The following DYRK4 variants were observed in gnomAD, a reference collection of about 807,000 sequenced individuals.
The protein encoded by DYRK4 is dual specificity tyrosine phosphorylation regulated kinase 4, also known as dual specificity tyrosine-phosphorylation-regulated kinase 4.
Under a neutral mutation model 68.3 loss-of-function variants are expected in DYRK4, and 64 were observed. That is an observed-to-expected ratio of 0.94 (90% CI 0.77 to 1.15). The LOEUF (loss-of-function observed/expected upper bound fraction) is 1.15. Among genes scored for constraint, DYRK4 ranks in the 50% most tolerant of loss-of-function variants. The pLI, the probability that DYRK4 is intolerant of heterozygous loss-of-function variation, is 0.00. For missense variants in DYRK4, 740 were observed against 764.7 expected (o/e 0.97, Z 0.38); for synonymous variants, 274 against 289.9 (o/e 0.95, Z 0.56).
chr12:4,573,216 C>A, intron 2 of DYRK4: 1 of 857,898 alleles, frequency 1.2e-6, no homozygotes, highest in Non-Finnish European at 1.6e-6. Flanking sequence ...AGCAGCCAAT[C>A]TAGAATCAGT....
chr12:4,600,301 G>T (rs12580572), intron 10 of DYRK4, among the ~76,000 whole-genome samples: 4 of 151,888 alleles, frequency 2.6e-5, no homozygotes, highest in South Asian at 2.1e-4. Context: ...TATCAGGTTC[G>T]CTATAGAGAA....
chr12:4,563,106 C>A, intron 1 of DYRK4: 2 of 456,080 alleles, frequency 4.4e-6, no homozygotes, highest in Non-Finnish European at 8.8e-6. Context: ...TGGAAAAGTT[C>A]AAACCGTGGA....
At chr12:4,568,072 G>A (rs1944694252) in intron 2 of DYRK4, 24 bp downstream of exon 2, 5 of 1,529,558 alleles carry the variant, frequency 3.3e-6, no homozygotes, top group Non-Finnish European at 4.4e-6. Context: ...AATTTTCACT[G>A]GGGAAGAGAG....
At chr12:4,575,468 C>T (rs2137331704) in intron 2 of DYRK4, among the ~76,000 whole-genome samples, 1 of 152,122 alleles carries the variant, frequency 6.6e-6, no homozygotes, top group South Asian at 2.1e-4. Context: ...GCCGCCACTA[C>T]CAGCTAATTT....
At chr12:4,603,345 AC>A in intron 10 of DYRK4, 1 of 542,144 alleles carries the variant, frequency 1.8e-6, no homozygotes. Context: ...TCATTAGTTA[AC>A]CCCTCCAGGT....
At chr12:4,605,452 C>T (rs189225028) in intron 11 of DYRK4, among the ~76,000 whole-genome samples, 65 of 152,198 alleles carry the variant, frequency 4.3e-4, no homozygotes, top group Non-Finnish European at 7.9e-4. Context: ...AGAGTTGTGC[C>T]ATGATTTTAC....
intron 2 of DYRK4, among the ~76,000 whole-genome samples, chr12:4,581,392 G>A (rs1184501016): frequency 6.6e-6 from 1 of 152,178 alleles, no homozygotes; most frequent in Non-Finnish European, 1.5e-5. Context: ...ACCATCTCTT[G>A]TTTCCTTTGA....
At chr12:4,604,461 A>G (rs777991828) in intron 10 of DYRK4, among the ~76,000 whole-genome samples, 14 of 152,170 alleles carry the variant, frequency 9.2e-5, no homozygotes, top group Non-Finnish European at 1.9e-4. Context: ...TTTCTATACA[A>G]TAAGTGCACA....
Position 4,591,535 on chromosome 12 carries a change from A to G in DYRK4, c.463+237A>G. The stretch of plus-strand genomic sequence containing the variant: ...GTGGCTCTGGGCAAGGGCGGGATGT[A>G]CCAATGCAGACAGAAGGAAGTGTCT... On this transcript the variant is annotated intron_variant, in intron 5 of 14. Transcript: ENST00000543431. This position sits in a 1 kb window ranked among gnomAD's most constrained non-coding sequence, Gnocchi z 4.1. The G allele has an allele frequency of 2.0e-6, 1 of 499,222 alleles. No individual in the cohort carries two copies. Among genetic ancestry groups the G allele is most frequent in the South Asian group, 4.2e-5 (1 of 23,578 alleles). The allele number at this position is 499,222 out of a possible 1,614,324, so 30.9% of individuals were successfully genotyped here. A position where few individuals can be genotyped will look rare whatever the true frequency, so the allele number is the denominator to read the frequency against.
chr12:4,574,953 C>G (rs1204226441), intron 2 of DYRK4, among the ~76,000 whole-genome samples: 2 of 152,162 alleles, frequency 1.3e-5, no homozygotes, highest in Admixed American at 1.3e-4. Context: ...CTCCTGACCT[C>G]GAGTGATCCA....
chr12:4,584,552 C>CTTTTTTT (rs35018398), intron 2 of DYRK4, among the ~76,000 whole-genome samples: 19 of 103,850 alleles, frequency 1.8e-4, no homozygotes, highest in African/African-American at 6.1e-4. Flanking sequence ...TCTAATCAGC[C>CTTTTTTT]TTTTTTTTTT....
chr12:4,600,853 C>T (rs1200756979), intron 10 of DYRK4, among the ~76,000 whole-genome samples: 1 of 130,024 alleles, frequency 7.7e-6, no homozygotes, highest in African/African-American at 3.3e-5. Context: ...TCTCTAGCCC[C>T]TTCCCCCTTC....
At chr12:4,598,436 G>GTCTT (rs1284751516) in intron 8 of DYRK4, among the ~76,000 whole-genome samples, 6 of 152,148 alleles carry the variant, frequency 3.9e-5, no homozygotes, top group Non-Finnish European at 7.4e-5. Flanking sequence ...TCTAACATTC[G>GTCTT]TAAGTCTGTA....
At chr12:4,597,703 G>A (rs1292798428) in intron 8 of DYRK4, among the ~76,000 whole-genome samples, 1 of 152,182 alleles carries the variant, frequency 6.6e-6, no homozygotes, top group Non-Finnish European at 1.5e-5. Flanking sequence ...GACTAGTCAG[G>A]ATGGGGCCAG....
intron 2 of DYRK4, among the ~76,000 whole-genome samples, chr12:4,569,248 A>G (rs1944707653): frequency 6.6e-6 from 1 of 152,234 alleles, no homozygotes; most frequent in Non-Finnish European, 1.5e-5. Context: ...TTTAATACCT[A>G]AAACAAACTT....
intron 6 of DYRK4, among the ~76,000 whole-genome samples, chr12:4,594,895 C>G (rs945027122): frequency 6.6e-6 from 1 of 152,108 alleles, no homozygotes; most frequent in Non-Finnish European, 1.5e-5. Context: ...TAATTGAATG[C>G]CTATGTATTG....
intron 2 of DYRK4, among the ~76,000 whole-genome samples, chr12:4,570,077 A>G (rs12303351): frequency 0.083 from 11,428 of 137,472 alleles, 906 homozygotes; most frequent in African/African-American, 0.21. Flanking sequence ...TAATAATAAT[A>G]ATGATAATAA....
chr12:4,599,181 C>T lies in DYRK4; in HGVS notation c.1044+15C>T, dbSNP rs200198625. Reference sequence around the variant, plus strand: ...ATCTCAAGCCCGTGAGTACCATCTCCGTCCTGCCATGGACACACTCTGGAA... The same window carrying T: ...ATCTCAAGCCCGTGAGTACCATCTCTGTCCTGCCATGGACACACTCTGGAA... On this transcript the variant is annotated intron_variant, in intron 9 of 14. Transcript: ENST00000543431. The T allele has an allele frequency of 1.0e-4, 167 of 1,613,164 alleles. No homozygotes were observed. The African/African-American group carries it at 1.8e-3, about 17-fold the overall frequency.
chr12:4,563,279 A>G, intron 1 of DYRK4: 1 of 394,806 alleles, frequency 2.5e-6, no homozygotes, highest in South Asian at 1.9e-5. Flanking sequence ...TTTGGTCCTT[A>G]TGGAGAAAGC....
Sources: gnomAD v4.1 joint callset for allele counts (sites outside exome capture counted in the v4.1 genomes callset) on GRCh38, gnomAD v4.1.1 for gene constraint, Gnocchi (gnomAD v3.1) non-coding constraint, MANE v1.5 for transcripts, NCBI Gene and HGNC (gene_info 2026-07-23, HGNC 2026-07-21) for gene names.